TMEM63C: variants seen among roughly 807,000 people sequenced by gnomAD.
TMEM63C encodes osmosensitive cation channel TMEM63C.
In TMEM63C, 32 loss-of-function variants were observed where a neutral mutation model predicts 99.2. The ratio of observed to expected loss-of-function variants is 0.32; its 90% CI spans 0.24 to 0.43. The LOEUF (loss-of-function observed/expected upper bound fraction) is 0.43, where lower values mean the gene tolerates loss of function less well. Among genes scored for constraint, TMEM63C ranks in the 20% least tolerant of loss-of-function variants. The probability of loss-of-function intolerance (pLI) is 1.00; values close to 1 mark genes in which losing one functional copy is unlikely to be tolerated. For synonymous variants in TMEM63C, 376 were observed against 397.9 expected (o/e 0.94, Z 0.66); for missense variants, 826 against 1,053.0 (o/e 0.78, Z 2.98).
In TMEM63C at chr14:77,246,550, C is replaced by T. The variant is rs955516688; in HGVS notation, c.1536-59C>T. ...GATTGGGCAAGGGAGGATGGTTGAA[C>T]CCTCAGCCTTAGCTCATAGGTTTGC... On this transcript the variant is annotated intron_variant, in intron 17 of 23. Coordinates refer to ENST00000298351, the MANE Select transcript of TMEM63C (RefSeq NM_020431.4). The T allele has an allele frequency of 1.5e-5, 22 of 1,469,538 alleles. No individual in the cohort carries two copies. In the East Asian group the frequency reaches 4.6e-4, roughly 31 times the overall value. 91.0% of individuals were successfully genotyped at this position (1,469,538 alleles called of 1,614,324 possible).
chr14:77,231,477 A>AAG, intron 6 of TMEM63C, 111 bp from the exon 7 acceptor site: 1 of 1,277,762 alleles, frequency 7.8e-7, no homozygotes, highest in Non-Finnish European at 1.1e-6. Context: ...TAAAAAAAAA[A>AAG]AAAAACTTGG....
intron 7 of TMEM63C, among the ~76,000 whole-genome samples, chr14:77,232,960 A>G (rs1479798678): frequency 6.6e-6 from 1 of 152,222 alleles, no homozygotes; most frequent in Non-Finnish European, 1.5e-5. Context: ...GTCTTGTCTC[A>G]TCCCAAGAGC....
chr14:77,194,447 T>C (rs1888169625), intron 1 of TMEM63C, among the ~76,000 whole-genome samples: 1 of 151,202 alleles, frequency 6.6e-6, no homozygotes, highest in Non-Finnish European at 1.5e-5. Flanking sequence ...TGTTGGAGAG[T>C]GGGGCATAGA....
At chr14:77,205,179 G>A (rs1457771872) in intron 1 of TMEM63C, among the ~76,000 whole-genome samples, 1 of 152,244 alleles carries the variant, frequency 6.6e-6, no homozygotes, top group Non-Finnish European at 1.5e-5. Context: ...GGCTGGAGAT[G>A]GAAGTGAGGG....
At chr14:77,239,184 T>G (rs925382429) in intron 10 of TMEM63C, among the ~76,000 whole-genome samples, 1 of 152,196 alleles carries the variant, frequency 6.6e-6, no homozygotes, top group African/African-American at 2.4e-5. Context: ...TGGGTGGAGC[T>G]CCGCCCTTTT....
intron 1 of TMEM63C, among the ~76,000 whole-genome samples, chr14:77,185,203 C>T (rs561043226): frequency 6.6e-5 from 10 of 152,218 alleles, no homozygotes; most frequent in South Asian, 2.1e-4. Context: ...CCATTTGACA[C>T]GAGCACCCTC....
rs550608459 is a variant in TMEM63C, at chr14:77,249,458, G to A, written c.2038G>A (p.Gly680Ser). The part of the protein sequence containing the change: ...WMLFFSILRL[G>S]SLHAITIFSL... ...GCTGTTCTTCTCCATCCTGCGGTTG[G>A]GTAGGTACCAAGCCAGCCTGGAGAC... Residue 680 changes from glycine to serine, a missense_variant and splice_region_variant, in exon 21 of 24, where the codon GGT (glycine) becomes AGT (serine). By Grantham distance (56) the Gly-to-Ser change is moderately conservative (BLOSUM62 0). Coordinates refer to ENST00000298351, the MANE Select transcript of TMEM63C (RefSeq NM_020431.4). 2 of 1,613,814 alleles carry A rather than the reference G, an allele frequency of 1.2e-6. No homozygotes were observed. The highest frequency in any genetic ancestry group is 1.3e-5 in the African/African-American group (1 of 75,042).
At chr14:77,187,196 G>A (rs972954084) in intron 1 of TMEM63C, among the ~76,000 whole-genome samples, 13 of 152,214 alleles carry the variant, frequency 8.5e-5, no homozygotes, top group Admixed American at 3.3e-4. Flanking sequence ...GCCAGTCTGT[G>A]TCCAGGGGAG....
rs139959020 is a variant in TMEM63C at position 77,225,119 on chromosome 14, GGACA to G, written c.313-298_313-295del. On this transcript the variant is annotated intron_variant, in intron 5 of 23. Transcript: ENST00000298351. ...GGACATTTCCAGAAGGAAGCATGAA[GGACA>G]GACAGAGAGCAACAGACGTTCACCC... is the stretch of plus-strand genomic sequence containing the variant. Among the ~76,000 whole-genome samples, 147 of 152,306 alleles carry G rather than the reference GGACA, an allele frequency of 9.7e-4. 2 individuals are homozygous for G. In the East Asian group the frequency reaches 0.026, roughly 27 times the overall value.
Position 77,246,012 on chromosome 14 carries a change from T to C in TMEM63C, c.1521T>C (p.Ser507=). The C allele has an allele frequency of 6.2e-7, 1 of 1,613,562 alleles. No homozygotes were observed. The highest frequency in any genetic ancestry group is 8.5e-7 in the Non-Finnish European group (1 of 1,179,448). ...FLVFMVVILP[S]MGLTSLDVFL... The stretch of plus-strand genomic sequence containing the variant: ...TGTTCATGGTAGTCATTCTGCCCTC[T>C]ATGGGACTGACCAGGTACCTCACTT... The change falls in exon 17 of 24, where the codon TCT becomes TCC. Residue 507 remains serine, a synonymous_variant. Coordinates refer to ENST00000298351, the MANE Select transcript of TMEM63C (RefSeq NM_020431.4).
At position 77,236,681 on chromosome 14, in the gene TMEM63C, C is replaced by G; in HGVS notation, c.600C>G (p.Phe200Leu). Reference protein sequence around the residue: ...LLSFFYFITNFMFMAHHCLGF... With the variant: ...LLSFFYFITNLMFMAHHCLGF... ...CCTTCTTCTACTTCATCACCAACTT[C>G]ATGTTCATGGCTCATCACTGCCTGG... Residue 200 changes from phenylalanine to leucine, a missense_variant, in exon 9 of 24, where the codon TTC (phenylalanine) becomes TTG (leucine). Coordinates refer to ENST00000298351, the MANE Select transcript of TMEM63C (RefSeq NM_020431.4). 6.2e-7 allele frequency: 1 copy of G among 1,612,906 alleles called. No individual in the cohort carries two copies. The highest frequency in any genetic ancestry group is 2.2e-5 in the East Asian group (1 of 44,832).
intron 1 of TMEM63C, among the ~76,000 whole-genome samples, chr14:77,202,546 G>T (rs1188358690): frequency 1.3e-5 from 2 of 152,146 alleles, no homozygotes; most frequent in African/African-American, 2.4e-5. Flanking sequence ...GTTCCTGGGG[G>T]TTGTCAGCAG....
intron 1 of TMEM63C, among the ~76,000 whole-genome samples, chr14:77,184,543 G>T (rs1335791213): frequency 1.3e-5 from 2 of 152,174 alleles, no homozygotes; most frequent in Admixed American, 1.3e-4. Context: ...CGTCCAGTTT[G>T]CAGGAACCCA....
chr14:77,227,112 T>C (rs1363108704), intron 6 of TMEM63C, among the ~76,000 whole-genome samples: 1 of 152,168 alleles, frequency 6.6e-6, no homozygotes, highest in Non-Finnish European at 1.5e-5. Flanking sequence ...TGGGCTTTCA[T>C]CTAGAGACAG....
At chr14:77,243,668 C>T (rs181193455) in intron 15 of TMEM63C, among the ~76,000 whole-genome samples, 108 of 152,274 alleles carry the variant, frequency 7.1e-4, no homozygotes, top group Non-Finnish European at 7.9e-4. Flanking sequence ...TAGCCCATTT[C>T]CAAATTCTTT....
Position 77,220,036 on chromosome 14 carries a change from C to T in TMEM63C, c.261C>T (p.Ser87=), listed in dbSNP as rs756150296. ...CCTCGCTGATCTATGGGGAGCAGAG[C>T]GAGAAGACATCTCCCTCGGAGACTT... ...SLTSLIYGEQ[S]EKTSPSETSL... The change falls in exon 5 of 24, where the codon AGC becomes AGT. Residue 87 remains serine (S), a synonymous_variant. Coordinates refer to ENST00000298351, the MANE Select transcript of TMEM63C (RefSeq NM_020431.4). The T allele has an allele frequency of 2.6e-5, 41 of 1,562,108 alleles. No homozygotes were observed. Among genetic ancestry groups the T allele is most frequent in the Non-Finnish European group, 3.3e-5 (38 of 1,153,094 alleles).
chr14:77,186,538 T>A (rs191606358), intron 1 of TMEM63C, among the ~76,000 whole-genome samples: 17 of 151,988 alleles, frequency 1.1e-4, no homozygotes, highest in Admixed American at 9.8e-4. Context: ...ACCTTGTCTC[T>A]ACAAAAAAGT....
At chr14:77,215,531 G>T (rs1398684750) in intron 2 of TMEM63C, among the ~76,000 whole-genome samples, 1 of 147,250 alleles carries the variant, frequency 6.8e-6, no homozygotes, top group Non-Finnish European at 1.5e-5. Context: ...AACCCTGGAG[G>T]CAGAGGTTGC....
Position 77,239,424 on chromosome 14 carries a change from A to C in TMEM63C, c.738A>C (p.Pro246=), listed in dbSNP as rs1330571455. The change falls in exon 11 of 24, where the codon CCA becomes CCC. Residue 246 remains proline, a synonymous_variant. Coordinates refer to ENST00000298351, the MANE Select transcript of TMEM63C (RefSeq NM_020431.4). ...LIIKHFHEAY[P]GSVVTRVHFC... ...TTTGTGGCTGCAGCGAGGCCTATCC[A>C]GGCAGTGTCGTGACAAGAGTCCACT... 6.2e-7 allele frequency: 1 copy of C among 1,613,590 alleles called. No homozygotes were observed. The highest frequency in any genetic ancestry group is 2.2e-5 in the East Asian group (1 of 44,856).
Sources: gnomAD v4.1 joint callset for allele counts (sites outside exome capture counted in the v4.1 genomes callset) on GRCh38, gnomAD v4.1.1 for gene constraint, MANE v1.5 for transcripts, NCBI Gene and HGNC (gene_info 2026-07-23, HGNC 2026-07-21) for gene names.